FAM107B: variants seen among roughly 807,000 people sequenced by gnomAD.
FAM107B encodes the protein protein FAM107B.
FAM107B carries 21 observed loss-of-function variants against 31.5 expected under a neutral mutation model. The observed-to-expected ratio is 0.67, with a 90% CI of 0.47 to 0.96. The LOEUF (loss-of-function observed/expected upper bound fraction) is 0.96, where lower values mean the gene tolerates loss of function less well. Among genes scored for constraint, FAM107B ranks in the 40% least tolerant of loss-of-function variants. The probability of loss-of-function intolerance (pLI) is 0.00; values close to 1 mark genes in which losing one functional copy is unlikely to be tolerated. For synonymous variants in FAM107B, 157 were observed against 141.5 expected (o/e 1.11, Z -0.78); for missense variants, 452 against 377.1 (o/e 1.20, Z -1.64).
chr10:14,601,121 C>T (rs897484400), intron 2 of FAM107B, among the ~76,000 whole-genome samples: 1 of 152,200 alleles, frequency 6.6e-6, no homozygotes, highest in Non-Finnish European at 1.5e-5. Flanking sequence ...CAGCAGTAAA[C>T]CCAGTGCCTG....
intron 3 of FAM107B, among the ~76,000 whole-genome samples, chr10:14,526,804 C>T (rs1194252548): frequency 2.0e-5 from 3 of 152,034 alleles, no homozygotes; most frequent in Admixed American, 6.6e-5. Context: ...TTGTAGAGCA[C>T]AGAATCTATC....
intron 2 of FAM107B, among the ~76,000 whole-genome samples, chr10:14,563,336 T>C (rs915938136): frequency 1.3e-5 from 2 of 152,226 alleles, no homozygotes; most frequent in African/African-American, 4.8e-5. Flanking sequence ...CCCCCATGAA[T>C]GCATCATTTA....
chr10:14,600,946 T>TTAAAAATGTG (rs1190284532), intron 2 of FAM107B, among the ~76,000 whole-genome samples: 1 of 151,710 alleles, frequency 6.6e-6, no homozygotes, highest in Non-Finnish European at 1.5e-5. Flanking sequence ...CAGCTAATTT[T>TTAAAAATGTG]TCGTAGAGAT....
chr10:14,609,608 T>A lies in FAM107B; in HGVS notation c.469+58026A>T, dbSNP rs554667803. On this transcript the variant is annotated intron_variant, in intron 2 of 4. Coordinates refer to ENST00000181796, the MANE Select transcript of FAM107B (RefSeq NM_031453.4). ...TAGGGCTCTAGACTCAGACTTAAAG[T>A]GCTCATGTGATTAGGTCAGGCACAC... 6.7e-4 allele frequency among the ~76,000 whole-genome samples: 102 copies of A among 152,298 alleles called. 1 individual carries two copies. Among genetic ancestry groups the A allele is most frequent in the South Asian group, 5.6e-3 (27 of 4,834 alleles).
chr10:14,715,633 C>T (rs1855762618), intron 1 of FAM107B, among the ~76,000 whole-genome samples: 1 of 152,190 alleles, frequency 6.6e-6, no homozygotes. Flanking sequence ...AGGTGGGCAC[C>T]ATTCAATCTA....
chr10:14,571,008 A>T (rs1217163562), intron 2 of FAM107B, among the ~76,000 whole-genome samples: 4 of 152,120 alleles, frequency 2.6e-5, no homozygotes, highest in African/African-American at 9.7e-5. Context: ...GGGGGCCTTA[A>T]ACAACACTTG....
intron 2 of FAM107B, among the ~76,000 whole-genome samples, chr10:14,579,387 C>G (rs980406551): frequency 6.6e-6 from 1 of 152,182 alleles, no homozygotes; most frequent in Non-Finnish European, 1.5e-5. Context: ...GCCAGTTACC[C>G]GGTTGCTGTA....
At chr10:14,722,232 G>A (rs901703639) in intron 1 of FAM107B, among the ~76,000 whole-genome samples, 3 of 151,968 alleles carry the variant, frequency 2.0e-5, no homozygotes, top group Non-Finnish European at 2.9e-5. Context: ...AATACTATTC[G>A]ATTTTCTATC....
chr10:14,738,619 A>G (rs539344179), intron 1 of FAM107B, among the ~76,000 whole-genome samples: 1 of 152,296 alleles, frequency 6.6e-6, no homozygotes, highest in East Asian at 1.9e-4. Context: ...AGGTTAGAGG[A>G]GTGAATGCAA....
rs906631734 is a variant in FAM107B, at chr10:14,625,259, C to T, written c.469+42375G>A. On this transcript the variant is annotated intron_variant, in intron 2 of 4. Transcript: ENST00000181796. ...AAAAAAAAGGAATGTCGTGTGCGTG[C>T]GTGTGTGTGTGTGTGTGTGTATGTG... 9.0e-4 allele frequency among the ~76,000 whole-genome samples: 131 copies of T among 146,322 alleles called. 1 individual carries two copies. The highest frequency in any genetic ancestry group is 2.9e-3 in the African/African-American group (114 of 39,360).
intron 3 of FAM107B, chr10:14,527,975 A>G: frequency 3.0e-6 from 1 of 334,738 alleles, no homozygotes; most frequent in South Asian, 2.3e-5. Context: ...ATATATTTTC[A>G]TTTCATTTTG....
chr10:14,536,380 G>C (rs1847607608), intron 2 of FAM107B, among the ~76,000 whole-genome samples: 1 of 152,190 alleles, frequency 6.6e-6, no homozygotes. Flanking sequence ...TGGAGAATCT[G>C]TTTCCTAAGC....
chr10:14,731,176 A>C (rs1348960174), intron 1 of FAM107B, among the ~76,000 whole-genome samples: 1 of 152,196 alleles, frequency 6.6e-6, no homozygotes, highest in Non-Finnish European at 1.5e-5. Context: ...CCTAGGTGTC[A>C]ATACTAAAAA....
chr10:14,757,438 A>ATC lies in FAM107B; in HGVS notation c.411+16813_411+16814dup, dbSNP rs138631307. On this transcript the variant is annotated intron_variant, in intron 1 of 4. Transcript: ENST00000181796. Reference sequence around the variant, plus strand: ...TGCATGGATCAACTCCTTAAAATGTATCTCTCTCTCTCTCTGTTCTGTGTT... The same window carrying ATC: ...TGCATGGATCAACTCCTTAAAATGTATCTCTCTCTCTCTCTCTGTTCTGTGTT... Among the ~76,000 whole-genome samples, 155 of 150,814 alleles carry ATC rather than the reference A, an allele frequency of 1.0e-3. 1 individual carries two copies. The highest frequency in any genetic ancestry group is 3.4e-3 in the Middle Eastern group (1 of 290).
intron 1 of FAM107B, chr10:14,723,762 T>C: frequency 4.0e-6 from 3 of 757,980 alleles, no homozygotes; most frequent in Middle Eastern, 3.5e-4. Context: ...GGCCAGCAAT[T>C]AGAGTGGCTC....
At chr10:14,559,573 C>CTTT (rs113934155) in intron 2 of FAM107B, among the ~76,000 whole-genome samples, 1 of 143,822 alleles carries the variant, frequency 7.0e-6, no homozygotes, top group African/African-American at 2.6e-5. Flanking sequence ...TTTCAGAGGA[C>CTTT]TTTTTTTTTT....
chr10:14,765,437 G>A (rs771109586), intron 1 of FAM107B, among the ~76,000 whole-genome samples: 25 of 152,168 alleles, frequency 1.6e-4, no homozygotes, highest in South Asian at 6.2e-4. Flanking sequence ...TCTCTTTTCC[G>A]GTTGGGATGC....
intron 1 of FAM107B, among the ~76,000 whole-genome samples, chr10:14,762,765 C>T (rs868033154): frequency 0.024 from 3,399 of 141,080 alleles, 138 homozygotes; most frequent in African/African-American, 0.086. Flanking sequence ...CACACACACA[C>T]ACACACACAC....
chr10:14,721,816 G>C (rs2688857), intron 1 of FAM107B, among the ~76,000 whole-genome samples: 1 of 152,000 alleles, frequency 6.6e-6, no homozygotes, highest in African/African-American at 2.4e-5. Flanking sequence ...TCTGATGGTA[G>C]TTTCTTTTGC....
Sources: allele counts gnomAD v4.1 joint callset (sites outside exome capture counted in the v4.1 genomes callset), GRCh38; gene constraint gnomAD v4.1.1; transcripts MANE v1.5; gene names NCBI Gene and HGNC (gene_info 2026-07-23, HGNC 2026-07-21).